APAF1: variants seen among roughly 807,000 people sequenced by gnomAD.
The protein encoded by APAF1 is apoptotic protease-activating factor 1.
A neutral mutation model predicts 152.4 loss-of-function variants in APAF1; 91 were observed. The ratio of observed to expected loss-of-function variants is 0.60; its 90% confidence interval spans 0.50 to 0.71. The LOEUF (loss-of-function observed/expected upper bound fraction) is 0.71, where lower values mean the gene tolerates loss of function less well. Among genes scored for constraint, APAF1 ranks in the 30% least tolerant of loss-of-function variants. The pLI is 0.00. For synonymous variants in APAF1, 484 were observed against 494.1 expected (o/e 0.98, Z 0.27); for missense variants, 1,283 against 1,472.0 (o/e 0.87, Z 2.10).
At chr12:98,684,210 T>C (rs569415647) in intron 15 of APAF1, among the ~76,000 whole-genome samples, 4 of 152,320 alleles carry the variant, frequency 2.6e-5, no homozygotes, top group Admixed American at 6.5e-5. Context: ...GAAACAGTTA[T>C]TGAAAATTGC....
intron 4 of APAF1, among the ~76,000 whole-genome samples, chr12:98,654,344 T>C (rs893968990): frequency 2.6e-5 from 4 of 152,212 alleles, no homozygotes; most frequent in African/African-American, 9.7e-5. Flanking sequence ...AATTAAAATA[T>C]GAAAGAATTT....
At chr12:98,725,302 A>G in intron 24 of APAF1, 113 bp from the exon 25 acceptor site, 1 of 1,358,546 alleles carries the variant, frequency 7.4e-7, no homozygotes, top group Non-Finnish European at 1.0e-6. Context: ...CAGTTTATGA[A>G]TTGCCAGATA....
intron 22 of APAF1, among the ~76,000 whole-genome samples, chr12:98,718,961 G>T (rs2097738236): frequency 6.6e-6 from 1 of 152,082 alleles, no homozygotes; most frequent in African/African-American, 2.4e-5. Context: ...GTTCTTAGGA[G>T]ATCTCTTTGC....
intron 16 of APAF1, among the ~76,000 whole-genome samples, chr12:98,691,646 A>G (rs1439939800): frequency 2.0e-5 from 3 of 151,652 alleles, no homozygotes; most frequent in Non-Finnish European, 4.4e-5. Context: ...GAAATCTGAT[A>G]TTTTTCTTTA....
At chr12:98,720,822 C>T (rs1418756762) in intron 22 of APAF1, among the ~76,000 whole-genome samples, 1 of 152,058 alleles carries the variant, frequency 6.6e-6, no homozygotes, top group Non-Finnish European at 1.5e-5. Context: ...AAAAAATTAG[C>T]CAGGCGTGGT....
chr12:98,700,045 G>A (rs181082442), intron 17 of APAF1, among the ~76,000 whole-genome samples: 1 of 152,156 alleles, frequency 6.6e-6, no homozygotes, highest in Admixed American at 6.5e-5. Flanking sequence ...GACTGAACAA[G>A]ATAGTGAAAT....
chr12:98,667,467 G>T, intron 9 of APAF1, 46 bp from the exon 10 acceptor site: 1 of 1,605,558 alleles, frequency 6.2e-7, no homozygotes, highest in Non-Finnish European at 8.5e-7. Flanking sequence ...TGATGCTTAG[G>T]TTATAAAATT....
rs35804742 is a variant in APAF1 at position 98,665,255 on chromosome 12, C to CATATATAT, written c.956-281_956-274dup. ...TCTCATTATATTGCTTAGACTGGCG[C>CATATATAT]ATATATATATATATATATATATATT... is the stretch of plus-strand genomic sequence containing the variant. On this transcript the variant is annotated intron_variant, in intron 7 of 26. Transcript: ENST00000551964. Among the ~76,000 whole-genome samples, 205 of 97,844 alleles carry CATATATAT rather than the reference C, an allele frequency of 2.1e-3. 1 individual carries two copies. The highest frequency in any genetic ancestry group is 3.1e-3 in the African/African-American group (80 of 26,026). The allele number at this position is 97,844 out of a possible 152,430, so 64.2% of individuals were successfully genotyped here.
At chr12:98,731,513 G>A (rs2097761485) in intron 26 of APAF1, among the ~76,000 whole-genome samples, 1 of 152,180 alleles carries the variant, frequency 6.6e-6, no homozygotes, top group African/African-American at 2.4e-5. Context: ...AGTGCATGCT[G>A]GTTCAGTGAG....
chr12:98,665,915 T>C, intron 8 of APAF1, 124 bp downstream of exon 8: 1 of 885,080 alleles, frequency 1.1e-6, no homozygotes, highest in Non-Finnish European at 1.8e-6. Context: ...TGGTGGGGTG[T>C]TGGGTGTAGA....
chr12:98,681,967 G>A (rs2097692693), intron 14 of APAF1, among the ~76,000 whole-genome samples: 1 of 151,426 alleles, frequency 6.6e-6, no homozygotes, highest in Non-Finnish European at 1.5e-5. Flanking sequence ...GGTTCATTAG[G>A]TAATTTATTT....
chr12:98,702,293 C>G (rs1170988931), intron 17 of APAF1, among the ~76,000 whole-genome samples: 1 of 152,020 alleles, frequency 6.6e-6, no homozygotes, highest in Non-Finnish European at 1.5e-5. Flanking sequence ...TCTCGATCTC[C>G]TGACCTCGTG....
chr12:98,655,840 G>A (rs2097656775), intron 4 of APAF1, among the ~76,000 whole-genome samples: 1 of 151,304 alleles, frequency 6.6e-6, no homozygotes, highest in Non-Finnish European at 1.5e-5. Context: ...TTGGAGTGCA[G>A]TGGCGCGGTC....
intron 4 of APAF1, among the ~76,000 whole-genome samples, chr12:98,651,823 A>T (rs960586029): frequency 6.6e-6 from 1 of 151,224 alleles, no homozygotes; most frequent in African/African-American, 2.4e-5. Context: ...CTGGCTAATT[A>T]TTTATTTATG....
intron 21 of APAF1, among the ~76,000 whole-genome samples, chr12:98,714,962 T>C (rs2097732364): frequency 6.6e-6 from 1 of 151,126 alleles, no homozygotes; most frequent in South Asian, 2.1e-4. Flanking sequence ...CCTTCTGATA[T>C]CCTGTCTCCC....
rs771309273 is a variant in APAF1, at chr12:98,715,560, G to A, written c.3084+8G>A. The A allele has an allele frequency of 6.2e-7, 1 of 1,613,062 alleles. No individual in the cohort carries two copies. The highest frequency in any genetic ancestry group is 8.5e-7 in the Non-Finnish European group (1 of 1,179,494). ...GATGATGCTGAAATTCAGGTGAGAG[G>A]GAGGATGAACTCTTAACATATTTAA... is the stretch of plus-strand genomic sequence containing the variant. On this transcript the variant is annotated splice_region_variant and intron_variant, in intron 22 of 26. Transcript: ENST00000551964.
At chr12:98,719,497 G>A (rs1477320510) in intron 22 of APAF1, among the ~76,000 whole-genome samples, 4 of 151,444 alleles carry the variant, frequency 2.6e-5, no homozygotes, top group African/African-American at 9.7e-5. Context: ...CTACAGGCCC[G>A]TGCCACCATT....
intron 13 of APAF1, among the ~76,000 whole-genome samples, chr12:98,679,862 C>G (rs1170853149): frequency 1.3e-5 from 2 of 152,274 alleles, no homozygotes; most frequent in African/African-American, 4.8e-5. Flanking sequence ...CACGCTCACT[C>G]ACACACGCCT....
intron 16 of APAF1, among the ~76,000 whole-genome samples, chr12:98,695,624 T>C (rs2153331892): frequency 6.6e-6 from 1 of 152,322 alleles, no homozygotes; most frequent in South Asian, 2.1e-4. Context: ...AAAAAGACTT[T>C]CTCTTAATTT....
Sources: allele counts gnomAD v4.1 joint callset (sites outside exome capture counted in the v4.1 genomes callset), GRCh38; gene constraint gnomAD v4.1.1; transcripts MANE v1.5; gene names NCBI Gene and HGNC (gene_info 2026-07-23, HGNC 2026-07-21).